ZNF682: variants seen among roughly 807,000 people sequenced by gnomAD.
The protein encoded by ZNF682 is zinc finger protein 682.
ZNF682 carries 29 observed loss-of-function variants against 36.5 expected under a neutral mutation model. That is an observed-to-expected ratio of 0.80 (90% CI 0.59 to 1.08). ZNF682 has a LOEUF of 1.08. Among genes scored for constraint, ZNF682 ranks in the 50% least tolerant of loss-of-function variants. The pLI is 0.00. For missense variants in ZNF682, 561 were observed against 579.7 expected, an observed-to-expected ratio of 0.97 and a Z score of 0.33; for synonymous variants, 180 against 197.0, an observed-to-expected ratio of 0.91 and a Z score of 0.72.
rs188833585 is a variant in ZNF682 at position 20,037,445 on chromosome 19, G to T, written c.3+1898C>A. Among the ~76,000 whole-genome samples the T allele has an allele frequency of 9.9e-3, 1,505 of 152,324 alleles. 33 individuals carry two copies. The highest frequency in any genetic ancestry group is 0.034 in the African/African-American group (1,405 of 41,570). On this transcript the variant is annotated intron_variant, in intron 1 of 3. Transcript: ENST00000397165. ...TACAGACTACCTTTCAAGCTCTACT[G>T]ATAATTTACACTTAATTAAAAACTG...
chr19:20,031,835 G>A (rs756050457), intron 1 of ZNF682, among the ~76,000 whole-genome samples: 18 of 143,228 alleles, frequency 1.3e-4, no homozygotes, highest in Non-Finnish European at 2.0e-4. Flanking sequence ...CCAGCTACTC[G>A]GGAGGCTGAG....
At chr19:20,019,953 C>T (rs897799996) in intron 3 of ZNF682, among the ~76,000 whole-genome samples, 5 of 151,300 alleles carry the variant, frequency 3.3e-5, no homozygotes, top group East Asian at 1.9e-4. Context: ...GGCTCATGCC[C>T]GTAATCCCAG....
At chr19:20,038,926 C>A (rs1253282892) in intron 1 of ZNF682, among the ~76,000 whole-genome samples, 1 of 152,186 alleles carries the variant, frequency 6.6e-6, no homozygotes, top group African/African-American at 2.4e-5. Context: ...AATAAGTTTT[C>A]AACATTTTAA....
In ZNF682 at chr19:20,006,839, T is replaced by C; in HGVS notation, c.663A>G (p.Arg221=). ...TGTATGGTTTCTCTCCAGTGTGAAT[T>C]CTCTTATGTTTAGTAAGGTATGAGA... ...KWFSYLTKHK[R]IHTGEKPYKC... Residue 221 remains arginine (R), a synonymous_variant, in exon 4 of 4, where the codon AGA becomes AGG. Transcript: ENST00000397165. The C allele has an allele frequency of 1.2e-6, 2 of 1,614,124 alleles. No homozygotes were observed. Among genetic ancestry groups the C allele is most frequent in the Non-Finnish European group, 1.7e-6 (2 of 1,179,976 alleles).
chr19:20,037,118 C>G (rs1452283518), intron 1 of ZNF682, among the ~76,000 whole-genome samples: 1 of 152,154 alleles, frequency 6.6e-6, no homozygotes, highest in Non-Finnish European at 1.5e-5. Flanking sequence ...TTTGCTTCTG[C>G]AAAAGGTAGG....
At position 20,022,043 on chromosome 19, in the gene ZNF682, G is replaced by A. The variant is rs749845610; in HGVS notation, c.226+961C>T. 5.3e-5 allele frequency among the ~76,000 whole-genome samples: 8 copies of A among 151,734 alleles called. No individual in the cohort carries two copies. The South Asian group carries it at 6.3e-4, about 12-fold the overall frequency. On this transcript the variant is annotated intron_variant, in intron 3 of 3. Transcript: ENST00000397165. ...AAAGTAGCTGGGCATGGTGGTGTAC[G>A]CCTGTAATACCAGCTACTTGGGTGG... is the stretch of plus-strand genomic sequence containing the variant.
chr19:19,999,359 T>C (rs535872126), intron 3 of ZNF682, among the ~76,000 whole-genome samples: 1 of 152,272 alleles, frequency 6.6e-6, no homozygotes, highest in South Asian at 2.1e-4. Flanking sequence ...TAAAATAAGT[T>C]GGGTTTTCCT....
intron 1 of ZNF682, among the ~76,000 whole-genome samples, chr19:20,029,386 A>C (rs1203355052): frequency 6.7e-6 from 1 of 150,224 alleles, no homozygotes; most frequent in Non-Finnish European, 1.5e-5. Context: ...GGATCACCTG[A>C]GGTCAGGAGT....
chr19:20,016,985 AG>A, intron 3 of ZNF682, among the ~76,000 whole-genome samples: 1 of 152,314 alleles, frequency 6.6e-6, no homozygotes, highest in South Asian at 2.1e-4. Flanking sequence ...ATTCAACTGA[AG>A]TAAAGATGAG....
intron 1 of ZNF682, among the ~76,000 whole-genome samples, chr19:20,027,425 A>C (rs1290716712): frequency 6.6e-6 from 1 of 152,174 alleles, no homozygotes; most frequent in African/African-American, 2.4e-5. Flanking sequence ...CCCTGCTCCC[A>C]TGAAAACCAA....
At chr19:20,012,578 T>G (rs1002039316) in intron 3 of ZNF682, among the ~76,000 whole-genome samples, 4 of 151,922 alleles carry the variant, frequency 2.6e-5, no homozygotes, top group Admixed American at 1.3e-4. Flanking sequence ...CCATCCTGGC[T>G]AACACGGTGA....
chr19:20,001,673 T>C (rs2088169199), downstream of ZNF682, among the ~76,000 whole-genome samples: 1 of 152,190 alleles, frequency 6.6e-6, no homozygotes, highest in Non-Finnish European at 1.5e-5. Flanking sequence ...TTCTGGAAAT[T>C]AGAAATCTAA....
chr19:20,037,938 G>T (rs1054594525), intron 1 of ZNF682, among the ~76,000 whole-genome samples: 1 of 152,204 alleles, frequency 6.6e-6, no homozygotes, highest in African/African-American at 2.4e-5. Flanking sequence ...CCACAGAGAG[G>T]CCACATTCCC....
intron 3 of ZNF682, among the ~76,000 whole-genome samples, chr19:20,018,238 C>A (rs937465627): frequency 1.3e-5 from 2 of 149,796 alleles, no homozygotes; most frequent in Admixed American, 1.3e-4. Context: ...GGACTACAGG[C>A]GCCCGCCACT....
intron 1 of ZNF682, among the ~76,000 whole-genome samples, chr19:20,029,260 C>T (rs570784062): frequency 9.3e-4 from 141 of 151,530 alleles, no homozygotes; most frequent in Non-Finnish European, 1.4e-3. Flanking sequence ...GGATTACAGA[C>T]GTGAGTCACC....
chr19:20,001,579 T>C (rs1322704516), downstream of ZNF682, among the ~76,000 whole-genome samples: 2 of 152,242 alleles, frequency 1.3e-5, no homozygotes, highest in African/African-American at 4.8e-5. Context: ...TGTGTACTAA[T>C]AGGCTGTAAT....
rs369412450 is a variant in ZNF682 at position 20,024,427 on chromosome 19, T to C, written c.4-51A>G. 8.1e-5 allele frequency: 126 copies of C among 1,554,164 alleles called. No individual in the cohort carries two copies. The African/African-American group carries it at 1.5e-3, about 19-fold the overall frequency. On this transcript the variant is annotated intron_variant, in intron 1 of 3. Transcript: ENST00000397165. ...ACCAACTGTCAATGGGCAGAGTTCTTGACTCCATGTGAAAAGAGAGAATTG... is the reference window on the plus strand; with the variant it reads ...ACCAACTGTCAATGGGCAGAGTTCTCGACTCCATGTGAAAAGAGAGAATTG...
intron 3 of ZNF682, 25 bp from the exon 4 acceptor site, chr19:20,007,300 T>TC: frequency 1.3e-6 from 2 of 1,556,598 alleles, no homozygotes; most frequent in South Asian, 2.4e-5. Context: ...TAACAAAATA[T>TC]CCCACTTGTT....
chr19:20,002,510 T>G (rs2088175334), downstream of ZNF682, among the ~76,000 whole-genome samples: 1 of 152,174 alleles, frequency 6.6e-6, no homozygotes, highest in South Asian at 2.1e-4. Flanking sequence ...ACTTGCGCAG[T>G]CCCTTTTGTA....
Sources: allele counts gnomAD v4.1 joint callset (sites outside exome capture counted in the v4.1 genomes callset), GRCh38; gene constraint gnomAD v4.1.1; transcripts MANE v1.5; gene names NCBI Gene and HGNC (gene_info 2026-07-23, HGNC 2026-07-21).